A1CF: variants seen among roughly 807,000 people sequenced by gnomAD.
The protein encoded by A1CF is APOBEC-1 stimulating protein.
In A1CF, 48 loss-of-function variants were observed where a neutral mutation model predicts 68.9. The observed-to-expected ratio is 0.70, with a 90% CI of 0.55 to 0.89. The LOEUF (loss-of-function observed/expected upper bound fraction) is 0.89, where lower values mean the gene tolerates loss of function less well. Ranked by LOEUF, A1CF falls within the 40% of genes least tolerant of loss-of-function variation. The pLI is 0.00. For synonymous variants in A1CF, 272 were observed against 260.4 expected, an observed-to-expected ratio of 1.04 and a Z score of -0.43; for missense variants, 653 against 718.9, an observed-to-expected ratio of 0.91 and a Z score of 1.05.
chr10:50,849,438 G>A (rs73326789), intron 3 of A1CF, among the ~76,000 whole-genome samples: 4,971 of 152,220 alleles, frequency 0.033, 237 homozygotes, highest in African/African-American at 0.11. Flanking sequence ...CAGATATAAT[G>A]TTCCTAAAGT....
chr10:50,854,544 T>G (rs926427795), intron 3 of A1CF, among the ~76,000 whole-genome samples: 1 of 152,008 alleles, frequency 6.6e-6, no homozygotes, highest in Non-Finnish European at 1.5e-5. Context: ...TCAAAGAGCA[T>G]TGTCAATTTT....
At chr10:50,854,810 T>C (rs955301746) in intron 3 of A1CF, among the ~76,000 whole-genome samples, 2 of 152,024 alleles carry the variant, frequency 1.3e-5, no homozygotes, top group South Asian at 2.1e-4. Flanking sequence ...TTGATGTTTA[T>C]TTAGGATGAT....
chr10:50,844,998 A>C (rs1280410038), intron 3 of A1CF, among the ~76,000 whole-genome samples: 1 of 152,180 alleles, frequency 6.6e-6, no homozygotes, highest in Non-Finnish European at 1.5e-5. Context: ...CACAGTATTT[A>C]ATTCATATCT....
At chr10:50,845,754 G>A (rs189896712) in intron 3 of A1CF, among the ~76,000 whole-genome samples, 26 of 152,284 alleles carry the variant, frequency 1.7e-4, no homozygotes, top group African/African-American at 6.0e-4. Context: ...AGGAGTTCGA[G>A]ACCAGCCTGG....
At chr10:50,877,714 G>A (rs1042482495) in intron 1 of A1CF, among the ~76,000 whole-genome samples, 3 of 152,216 alleles carry the variant, frequency 2.0e-5, no homozygotes, top group African/African-American at 4.8e-5. Context: ...GCATTCTGGT[G>A]TGAGGATCTG....
chr10:50,879,896 A>G (rs1320062062), intron 1 of A1CF, among the ~76,000 whole-genome samples: 1 of 152,170 alleles, frequency 6.6e-6, no homozygotes, highest in Admixed American at 6.5e-5. Flanking sequence ...GTCTCTGGCT[A>G]GGTCAGTCCA....
chr10:50,851,593 A>G (rs1189549108), intron 3 of A1CF, among the ~76,000 whole-genome samples: 1 of 151,716 alleles, frequency 6.6e-6, no homozygotes, highest in Non-Finnish European at 1.5e-5. Context: ...ATCATGGTCA[A>G]CTTCTACATA....
chr10:50,816,384 G>T, intron 8 of A1CF, 105 bp from the exon 9 acceptor site: 2 of 1,261,174 alleles, frequency 1.6e-6, no homozygotes, highest in East Asian at 2.4e-5. Context: ...ACTATTTGCT[G>T]TAGGTTTATT....
chr10:50,882,849 A>G (rs1589059330), intron 1 of A1CF, among the ~76,000 whole-genome samples: 1 of 152,208 alleles, frequency 6.6e-6, no homozygotes, highest in African/African-American at 2.4e-5. Flanking sequence ...CTAAGGGATG[A>G]CAATTTTTAA....
chr10:50,846,230 A>G (rs1037714084), intron 3 of A1CF, among the ~76,000 whole-genome samples: 1 of 152,226 alleles, frequency 6.6e-6, no homozygotes, highest in Non-Finnish European at 1.5e-5. Flanking sequence ...AGCTATGTGT[A>G]TAAGGTATAT....
intron 6 of A1CF, among the ~76,000 whole-genome samples, chr10:50,830,634 A>G (rs1839191156): frequency 6.6e-6 from 1 of 152,202 alleles, no homozygotes; most frequent in South Asian, 2.1e-4. Context: ...AATAAATGGA[A>G]AAATATCCTA....
rs1162307339 is a variant in A1CF, at chr10:50,850,129, C to A, written c.100-6007G>T. 9.2e-5 allele frequency among the ~76,000 whole-genome samples: 14 copies of A among 152,040 alleles called. 1 individual carries two copies. The highest frequency in any genetic ancestry group is 9.2e-4 in the Admixed American group (14 of 15,260). ...TTTATTGGTTTCACTTTTTACAAAG[C>A]CCTGACATTTTATCTTTAAAAAATG... On this transcript the variant is annotated intron_variant, in intron 3 of 12. Transcript: ENST00000373997.
rs1176414895 is a variant in A1CF, at chr10:50,813,920, C to A, written c.1260G>T (p.Gly420=). The change falls in exon 10 of 13, where the codon GGG becomes GGT. Residue 420 remains glycine, a synonymous_variant. Coordinates refer to ENST00000373997, the MANE Select transcript of A1CF (RefSeq NM_014576.4). ...CAGGATTCATTGGGGTGAGCTCCAT[C>A]CCAGGTAAAATGTCATAGAGTTTGT... ...REDKLYDILP[G]MELTPMNPVT... is the part of the protein sequence containing the mutation. The A allele has an allele frequency of 1.2e-6, 2 of 1,613,748 alleles. No individual in the cohort carries two copies. Among genetic ancestry groups the A allele is most frequent in the African/African-American group, 2.7e-5 (2 of 74,884 alleles).
Position 50,805,187 on chromosome 10 carries a change from A to G in A1CF, c.*1542T>C, listed in dbSNP as rs1489208443. The stretch of plus-strand genomic sequence containing the variant: ...TTTTGATCACAGAATTCCATTAAGG[A>G]GTTGACAAAATTTTCCATGTCTTTG... On this transcript the variant is annotated 3_prime_UTR_variant, in exon 13 of 13. Transcript: ENST00000373997. 1 of 152,150 alleles carries G rather than the reference A, an allele frequency of 6.6e-6. No homozygotes were observed. Among genetic ancestry groups the G allele is most frequent in the African/African-American group, 2.4e-5 (1 of 41,438 alleles). The allele number at this position is 152,150 out of a possible 1,614,324, so 9.4% of individuals were successfully genotyped here.
intron 1 of A1CF, among the ~76,000 whole-genome samples, chr10:50,873,419 A>T (rs956156525): frequency 6.6e-6 from 1 of 152,170 alleles, no homozygotes; most frequent in Non-Finnish European, 1.5e-5. Flanking sequence ...TAACACAACT[A>T]TGTGTAGTTG....
At position 50,802,462 on chromosome 10, in the gene A1CF, T is replaced by C. The variant is rs987655285; in HGVS notation, c.*4267A>G. 12 of 152,226 alleles carry C rather than the reference T, an allele frequency of 7.9e-5. No homozygotes were observed. The highest frequency in any genetic ancestry group is 1.8e-4 in the Non-Finnish European group (12 of 68,022). The allele number at this position is 152,226 out of a possible 1,614,324, so 9.4% of individuals were successfully genotyped here. A position where few individuals can be genotyped will look rare whatever the true frequency, so the allele number is the denominator to read the frequency against. Reference sequence around the variant, plus strand: ...TTTATCCAAAGTTTCCTTGTAGTGCTATGTTAGAAACTTAGTTTTATCTTT... The same window carrying C: ...TTTATCCAAAGTTTCCTTGTAGTGCCATGTTAGAAACTTAGTTTTATCTTT... On this transcript the variant is annotated 3_prime_UTR_variant, in exon 13 of 13. Coordinates refer to ENST00000373997, the MANE Select transcript of A1CF (RefSeq NM_014576.4).
intron 7 of A1CF, among the ~76,000 whole-genome samples, chr10:50,825,500 T>C: frequency 6.6e-6 from 1 of 152,204 alleles, no homozygotes; most frequent in Non-Finnish European, 1.5e-5. Flanking sequence ...ATTCATTTAA[T>C]TTTGCAGAAT....
chr10:50,880,517 C>A (rs1017770372), intron 1 of A1CF, among the ~76,000 whole-genome samples: 2 of 152,166 alleles, frequency 1.3e-5, no homozygotes, highest in African/African-American at 4.8e-5. Context: ...TCTTAGGGAT[C>A]TTCGGAAAAG....
intron 3 of A1CF, among the ~76,000 whole-genome samples, chr10:50,844,747 A>G (rs1002579556): frequency 1.1e-4 from 16 of 152,212 alleles, no homozygotes; most frequent in Non-Finnish European, 1.9e-4. Flanking sequence ...AAATTCTCCA[A>G]TGTATCACTG....
Sources: allele counts gnomAD v4.1 joint callset (sites outside exome capture counted in the v4.1 genomes callset), GRCh38; gene constraint gnomAD v4.1.1; transcripts MANE v1.5; gene names NCBI Gene and HGNC (gene_info 2026-07-23, HGNC 2026-07-21).